EPC1: variants seen among roughly 807,000 people sequenced by gnomAD.
EPC1 encodes enhancer of polycomb homolog 1.
Under a neutral mutation model 98.4 loss-of-function variants are expected in EPC1, and 12 were observed. That is an observed-to-expected ratio of 0.12 (90% CI 0.08 to 0.20). The LOEUF (loss-of-function observed/expected upper bound fraction) is 0.20, where lower values mean the gene tolerates loss of function less well. Ranked by LOEUF, EPC1 falls within the 10% of genes least tolerant of loss-of-function variation. EPC1 has a pLI of 1.00. For missense variants in EPC1, 729 were observed against 990.5 expected (o/e 0.74, Z 3.54); for synonymous variants, 357 against 363.9 (o/e 0.98, Z 0.21).
At chr10:32,272,966 G>A in intron 11 of EPC1, 197 bp downstream of exon 11, 1 of 1,519,626 alleles carries the variant, frequency 6.6e-7, no homozygotes, top group Non-Finnish European at 9.1e-7. Flanking sequence ...AAGTGCTTTA[G>A]TTTTACTTTT....
chr10:32,361,367 C>G lies in EPC1; in HGVS notation c.3+17124G>C, dbSNP rs150263395. 3.8e-3 allele frequency among the ~76,000 whole-genome samples: 576 copies of G among 152,210 alleles called. 2 individuals are homozygous for G. Among genetic ancestry groups the G allele is most frequent in the African/African-American group, 0.013 (548 of 41,514 alleles). ...ACCCCAAAATATGACAGTGGGAGAC[C>G]AGAATATGCCACCCCCAAAATTTAT... is the stretch of plus-strand genomic sequence containing the variant. On this transcript the variant is annotated intron_variant, in intron 1 of 13. Coordinates refer to the EPC1 transcript ENST00000375110.
chr10:32,273,416 A>T (rs1228554898), intron 10 of EPC1, 135 bp from the exon 11 acceptor site: 95 of 1,126,144 alleles, frequency 8.4e-5, no homozygotes, highest in Middle Eastern at 6.1e-4. Context: ...CCTGCTAAAG[A>T]TCACTTCCAA....
intron 1 of EPC1, among the ~76,000 whole-genome samples, chr10:32,358,629 A>G (rs1297941626): frequency 7.6e-6 from 1 of 131,102 alleles, no homozygotes; most frequent in Non-Finnish European, 1.6e-5. Flanking sequence ...TGGGGAACGG[A>G]GTAAAAAAAA....
intron 13 of EPC1, 89 bp from the exon 14 acceptor site, chr10:32,269,224 A>T (rs1289146243): frequency 3.6e-6 from 4 of 1,111,566 alleles, no homozygotes; most frequent in Non-Finnish European, 5.3e-6. Context: ...GTTTATTTTT[A>T]TTAACAGGAA....
intron 1 of EPC1, among the ~76,000 whole-genome samples, chr10:32,312,617 GA>G (rs1836308873): frequency 6.6e-6 from 1 of 152,108 alleles, no homozygotes; most frequent in Non-Finnish European, 1.5e-5. Flanking sequence ...AGCAACATAA[GA>G]GAAGGGATTT....
intron 1 of EPC1, among the ~76,000 whole-genome samples, chr10:32,320,498 C>T (rs1836842315): frequency 6.6e-6 from 1 of 152,214 alleles, no homozygotes; most frequent in Non-Finnish European, 1.5e-5. Context: ...TGAACAACGT[C>T]TTTACAGAAG....
chr10:32,374,694 C>T (rs562598973), intron 1 of EPC1, among the ~76,000 whole-genome samples: 4 of 152,036 alleles, frequency 2.6e-5, no homozygotes, highest in African/African-American at 7.2e-5. Flanking sequence ...TATTATTTGG[C>T]CTTCATTTGG....
At chr10:32,372,565 G>T (rs568341507) in intron 1 of EPC1, among the ~76,000 whole-genome samples, 1 of 152,292 alleles carries the variant, frequency 6.6e-6, no homozygotes, top group Non-Finnish European at 1.5e-5. Context: ...AGGAGGTAAA[G>T]TACAAGTACA....
upstream of EPC1, among the ~76,000 whole-genome samples, chr10:32,352,042 ATTTTTT>A (rs35657158): frequency 0.011 from 1,016 of 93,474 alleles, 11 homozygotes; most frequent in African/African-American, 0.04. Flanking sequence ...AGCCATATTG[ATTTTTT>A]TTTTTTTTTT....
chr10:32,292,256 A>G (rs1834889453), intron 5 of EPC1: 1 of 255,534 alleles, frequency 3.9e-6, no homozygotes. Context: ...AAGGACCAAA[A>G]AAGACCACTT....
At chr10:32,322,643 T>C (rs1289379789) in intron 1 of EPC1, among the ~76,000 whole-genome samples, 3 of 152,230 alleles carry the variant, frequency 2.0e-5, no homozygotes, top group Non-Finnish European at 4.4e-5. Context: ...TTATCTAAAA[T>C]ATAAACCTTT....
chr10:32,307,308 G>A (rs528745221), intron 1 of EPC1, among the ~76,000 whole-genome samples: 1 of 152,324 alleles, frequency 6.6e-6, no homozygotes, highest in South Asian at 2.1e-4. Flanking sequence ...TTGTGGACTT[G>A]TGAAGGCATC....
At chr10:32,304,015 C>T (rs776903762) in intron 2 of EPC1, among the ~76,000 whole-genome samples, 1 of 152,128 alleles carries the variant, frequency 6.6e-6, no homozygotes, top group Non-Finnish European at 1.5e-5. Context: ...TACATCTTTC[C>T]AAAGACAAGT....
rs140125313 is a variant in EPC1 at position 32,340,313 on chromosome 10, C to G, written c.153+6450G>C. 4.2e-3 allele frequency among the ~76,000 whole-genome samples: 638 copies of G among 152,296 alleles called. 3 individuals are homozygous for G. Among genetic ancestry groups the G allele is most frequent in the African/African-American group, 0.014 (602 of 41,562 alleles). ...CATATTATAGTAGATGTAATAAGTACAGCAAGTTTGCTTTTGTTTTTCATA... is the reference window on the plus strand; with the variant it reads ...CATATTATAGTAGATGTAATAAGTAGAGCAAGTTTGCTTTTGTTTTTCATA... On this transcript the variant is annotated intron_variant, in intron 1 of 13. Coordinates refer to ENST00000319778, the MANE Select transcript of EPC1 (RefSeq NM_001272004.3).
chr10:32,290,431 T>C, intron 6 of EPC1, among the ~76,000 whole-genome samples: 1 of 136,718 alleles, frequency 7.3e-6, no homozygotes, highest in African/African-American at 2.8e-5. Flanking sequence ...GGTTGCAGTG[T>C]GCTGAGATCC....
At chr10:32,278,718 TAAAAC>T (rs1265429546) in intron 10 of EPC1, among the ~76,000 whole-genome samples, 2 of 152,186 alleles carry the variant, frequency 1.3e-5, no homozygotes, top group Non-Finnish European at 2.9e-5. Context: ...TATTTTAATA[TAAAAC>T]AAAAGGTAAA....
intron 2 of EPC1, among the ~76,000 whole-genome samples, chr10:32,303,266 C>T (rs932908572): frequency 1.3e-5 from 2 of 152,226 alleles, no homozygotes; most frequent in Admixed American, 6.5e-5. Context: ...TGCACCACTG[C>T]ACTCCAGCCT....
chr10:32,319,645 C>G lies in EPC1; in HGVS notation c.154-13714G>C, dbSNP rs4749720. ...AAACTGTATTCTTCAAAAATGTCTACGTCATAAAAGATGAAAACATCTATG... is the reference window on the plus strand; with the variant it reads ...AAACTGTATTCTTCAAAAATGTCTAGGTCATAAAAGATGAAAACATCTATG... On this transcript the variant is annotated intron_variant, in intron 1 of 13. Transcript: ENST00000319778. Among the ~76,000 whole-genome samples, 367 of 152,250 alleles carry G rather than the reference C, an allele frequency of 2.4e-3. 16 individuals carry two copies. In the East Asian group the frequency reaches 0.054, roughly 23 times the overall value.
intron 1 of EPC1, among the ~76,000 whole-genome samples, chr10:32,359,763 C>T (rs1839385163): frequency 6.6e-6 from 1 of 152,204 alleles, no homozygotes; most frequent in South Asian, 2.1e-4. Flanking sequence ...GAAATTCTCA[C>T]ACGAAGCCAA....
Sources: allele counts gnomAD v4.1 joint callset (sites outside exome capture counted in the v4.1 genomes callset), GRCh38; gene constraint gnomAD v4.1.1; transcripts MANE v1.5; gene names NCBI Gene and HGNC (gene_info 2026-07-23, HGNC 2026-07-21).